Variants in LMBR1 observed in about 807,000 individuals in gnomAD.
LMBR1 encodes limb development membrane protein 1.
A neutral mutation model predicts 73.9 loss-of-function variants in LMBR1; 52 were observed. The ratio of observed to expected loss-of-function variants is 0.70; its 90% CI spans 0.56 to 0.89. The LOEUF (loss-of-function observed/expected upper bound fraction) is 0.89, where lower values mean the gene tolerates loss of function less well. LMBR1 is among the 40% of genes least tolerant of loss of function. The pLI is 0.00. For synonymous variants in LMBR1, 215 were observed against 209.4 expected, an observed-to-expected ratio of 1.03 and a Z score of -0.23; for missense variants, 539 against 579.8, an observed-to-expected ratio of 0.93 and a Z score of 0.72.
chr7:156,774,766 A>C (rs1410972643), intron 5 of LMBR1, among the ~76,000 whole-genome samples: 2 of 152,112 alleles, frequency 1.3e-5, no homozygotes, highest in African/African-American at 4.8e-5. Flanking sequence ...TGGGAGGTGA[A>C]GGTTGCAGTG....
rs180673442 is a variant in LMBR1, at chr7:156,773,222, T to A, written c.424-9427A>T. Among the ~76,000 whole-genome samples the A allele has an allele frequency of 1.4e-4, 21 of 152,164 alleles. No individual in the cohort carries two copies. In the East Asian group the frequency reaches 3.1e-3, roughly 22 times the overall value. ...ATGACACAAACAAATGCAAAAACATTCCATGTTCATGGATAGGAAGAATCA... is the reference window on the plus strand; with the variant it reads ...ATGACACAAACAAATGCAAAAACATACCATGTTCATGGATAGGAAGAATCA... On this transcript the variant is annotated intron_variant, in intron 5 of 16. Transcript: ENST00000353442.
At chr7:156,801,008 T>C (rs1403823325) in intron 4 of LMBR1, among the ~76,000 whole-genome samples, 3 of 152,230 alleles carry the variant, frequency 2.0e-5, no homozygotes, top group Non-Finnish European at 4.4e-5. Flanking sequence ...AGATGGAATC[T>C]ACCCTGGTGA....
At chr7:156,892,682 G>A in intron 1 of LMBR1, 1 of 348,512 alleles carries the variant, frequency 2.9e-6, no homozygotes, top group Non-Finnish European at 5.1e-6. Flanking sequence ...AGGGGGCAGG[G>A]GAGGCAAGAG....
chr7:156,762,294 G>T (rs1823206994), intron 7 of LMBR1, 96 bp from the exon 8 acceptor site: 1 of 770,558 alleles, frequency 1.3e-6, no homozygotes, highest in South Asian at 1.6e-5. Flanking sequence ...GAAATTCAAG[G>T]ATTATCATTT....
At position 156,681,996 on chromosome 7, in the gene LMBR1, A is replaced by G. The variant is rs1805137991; in HGVS notation, c.*2082T>C. On this transcript the variant is annotated 3_prime_UTR_variant, in exon 17 of 17. Coordinates refer to ENST00000353442, the MANE Select transcript of LMBR1 (RefSeq NM_022458.4). ...GGAAGAGCCTCGAGGAACCGTGATT[A>G]CGCAGCAGCCCAAGGCTGTAACAAT... 1 of 152,270 alleles carries G rather than the reference A, an allele frequency of 6.6e-6. No homozygotes were observed. The highest frequency in any genetic ancestry group is 1.5e-5 in the Non-Finnish European group (1 of 68,070). 9.4% of individuals were successfully genotyped at this position (152,270 alleles called of 1,614,324 possible).
In LMBR1 at chr7:156,770,472, T is replaced by C. The variant is rs148784311; in HGVS notation, c.424-6677A>G. 2.9e-4 allele frequency among the ~76,000 whole-genome samples: 44 copies of C among 152,026 alleles called. No individual in the cohort carries two copies. The East Asian group carries it at 6.2e-3, about 21-fold the overall frequency. ...TAAAAAGTAACAAAACAAGAATACT[T>C]TATAAAAACATAAAGTGTAGAAAAT... On this transcript the variant is annotated intron_variant, in intron 5 of 16. Coordinates refer to ENST00000353442, the MANE Select transcript of LMBR1 (RefSeq NM_022458.4).
chr7:156,717,424 G>A (rs988286157), intron 15 of LMBR1, among the ~76,000 whole-genome samples: 2 of 152,130 alleles, frequency 1.3e-5, no homozygotes, highest in Non-Finnish European at 2.9e-5. Flanking sequence ...TGGAGGTCTC[G>A]ATTTGGGGGC....
intron 15 of LMBR1, among the ~76,000 whole-genome samples, chr7:156,698,201 T>C (rs1057059225): frequency 2.6e-5 from 4 of 152,166 alleles, no homozygotes; most frequent in Admixed American, 6.5e-5. Flanking sequence ...GTTCCCATGG[T>C]CTTGGGCAGC....
At chr7:156,735,274 C>T (rs1817636263) in intron 9 of LMBR1, among the ~76,000 whole-genome samples, 1 of 152,122 alleles carries the variant, frequency 6.6e-6, no homozygotes, top group Non-Finnish European at 1.5e-5. Context: ...TTTCCAGTAT[C>T]GTCTTCAGCA....
At chr7:156,857,287 CAG>C (rs1050182533) in intron 1 of LMBR1, among the ~76,000 whole-genome samples, 4 of 152,060 alleles carry the variant, frequency 2.6e-5, no homozygotes, top group Admixed American at 2.6e-4. Flanking sequence ...AGTACAGTGA[CAG>C]AGAAAGACAA....
chr7:156,719,016 G>A (rs1022116419), intron 15 of LMBR1, among the ~76,000 whole-genome samples: 5 of 151,810 alleles, frequency 3.3e-5, no homozygotes, highest in Non-Finnish European at 5.9e-5. Context: ...AAGTTTTAGG[G>A]TACATGTGTA....
At chr7:156,767,996 T>C (rs1358109315) in intron 5 of LMBR1, among the ~76,000 whole-genome samples, 1 of 152,162 alleles carries the variant, frequency 6.6e-6, no homozygotes, top group East Asian at 1.9e-4. Context: ...ATTGAAGAAA[T>C]TTACTATCCA....
At chr7:156,847,963 G>A (rs1308648708) in intron 1 of LMBR1, among the ~76,000 whole-genome samples, 1 of 151,976 alleles carries the variant, frequency 6.6e-6, no homozygotes, top group Non-Finnish European at 1.5e-5. Context: ...ACTTGCACAG[G>A]AATGTTTATA....
intron 9 of LMBR1, among the ~76,000 whole-genome samples, chr7:156,737,393 G>A (rs565478110): frequency 6.6e-6 from 1 of 152,182 alleles, no homozygotes; most frequent in South Asian, 2.1e-4. Context: ...TTTGTCCCCA[G>A]TGTTCTTGAT....
chr7:156,875,476 G>A (rs1334012419), intron 1 of LMBR1, among the ~76,000 whole-genome samples: 1 of 152,140 alleles, frequency 6.6e-6, no homozygotes, highest in Non-Finnish European at 1.5e-5. Context: ...GAACACTTGG[G>A]AAATTAATCG....
At chr7:156,865,171 A>G (rs1164501458) in intron 1 of LMBR1, among the ~76,000 whole-genome samples, 1 of 152,010 alleles carries the variant, frequency 6.6e-6, no homozygotes, top group East Asian at 1.9e-4. Flanking sequence ...GCTGGGCGTG[A>G]TGTTGCACGC....
At chr7:156,885,873 CATAA>C (rs953543270) in intron 1 of LMBR1, among the ~76,000 whole-genome samples, 1 of 149,830 alleles carries the variant, frequency 6.7e-6, no homozygotes, top group Non-Finnish European at 1.5e-5. Context: ...GACTCCATAT[CATAA>C]ATAAATAAAT....
chr7:156,729,785 C>G (rs911600355), intron 10 of LMBR1, among the ~76,000 whole-genome samples: 1 of 152,250 alleles, frequency 6.6e-6, no homozygotes, highest in East Asian at 1.9e-4. Flanking sequence ...CTTCTATTTT[C>G]CCAAAGATAA....
chr7:156,762,326 C>A, intron 7 of LMBR1, 128 bp from the exon 8 acceptor site: 1 of 631,350 alleles, frequency 1.6e-6, no homozygotes, highest in Non-Finnish European at 2.9e-6. Flanking sequence ...TTCTCTCCAA[C>A]TGAGATTGTC....
Sources: allele counts gnomAD v4.1 joint callset (sites outside exome capture counted in the v4.1 genomes callset), GRCh38; gene constraint gnomAD v4.1.1; transcripts MANE v1.5; gene names NCBI Gene and HGNC (gene_info 2026-07-23, HGNC 2026-07-21).